CTNNBL1: variants seen among roughly 807,000 people sequenced by gnomAD.
The protein encoded by CTNNBL1 is beta-catenin-like protein 1.
In CTNNBL1, 31 loss-of-function variants were observed where a neutral mutation model predicts 72.7. The observed-to-expected ratio is 0.43, with a 90% CI of 0.32 to 0.58. The LOEUF (loss-of-function observed/expected upper bound fraction) is 0.58. Ranked by LOEUF, CTNNBL1 falls within the 20% of genes least tolerant of loss-of-function variation. The probability of loss-of-function intolerance (pLI) is 0.08; values close to 1 mark genes in which losing one functional copy is unlikely to be tolerated. For synonymous variants in CTNNBL1, 240 were observed against 267.3 expected, an observed-to-expected ratio of 0.90 and a Z score of 1.00; for missense variants, 534 against 725.1, an observed-to-expected ratio of 0.74 and a Z score of 3.03.
At chr20:37,833,176 C>T (rs1023379828) in intron 11 of CTNNBL1, among the ~76,000 whole-genome samples, 1 of 152,166 alleles carries the variant, frequency 6.6e-6, no homozygotes. Context: ...CTCAGAACCC[C>T]AGAATCAGAT....
intron 7 of CTNNBL1, among the ~76,000 whole-genome samples, chr20:37,768,534 G>A (rs562339417): frequency 1.3e-5 from 2 of 152,312 alleles, no homozygotes; most frequent in South Asian, 4.2e-4. Flanking sequence ...TGGTAAGTTT[G>A]TAGTGTTATA....
At chr20:37,856,905 G>C (rs1228899059) in intron 13 of CTNNBL1, among the ~76,000 whole-genome samples, 2 of 152,102 alleles carry the variant, frequency 1.3e-5, no homozygotes, top group African/African-American at 4.8e-5. Context: ...CAGTGCTTAG[G>C]GTAGTGTTCT....
At chr20:37,841,017 C>G (rs897873442) in intron 12 of CTNNBL1, among the ~76,000 whole-genome samples, 3 of 152,158 alleles carry the variant, frequency 2.0e-5, no homozygotes, top group Non-Finnish European at 4.4e-5. Flanking sequence ...GTATGCCAGA[C>G]GATAGGATTT....
At chr20:37,798,376 A>G (rs866339281) in intron 10 of CTNNBL1, among the ~76,000 whole-genome samples, 2 of 151,802 alleles carry the variant, frequency 1.3e-5, no homozygotes, top group Admixed American at 6.6e-5. Flanking sequence ...ATTTCCCACA[A>G]CCCCCCAGTT....
chr20:37,771,939 A>G (rs1374085227), intron 7 of CTNNBL1, among the ~76,000 whole-genome samples: 2 of 151,948 alleles, frequency 1.3e-5, no homozygotes, highest in East Asian at 3.9e-4. Flanking sequence ...CCCCCAGCCT[A>G]TACTGCCCAC....
intron 7 of CTNNBL1, 33 bp from the exon 8 acceptor site, chr20:37,777,312 A>T: frequency 6.4e-7 from 1 of 1,572,176 alleles, no homozygotes; most frequent in Non-Finnish European, 8.8e-7. Context: ...AAGACCCCTT[A>T]ACATTTTTCT....
intron 10 of CTNNBL1, among the ~76,000 whole-genome samples, chr20:37,800,880 C>G (rs758971821): frequency 6.6e-6 from 1 of 152,218 alleles, no homozygotes; most frequent in Non-Finnish European, 1.5e-5. Context: ...GACCTCTGTG[C>G]TTGCTGTTCC....
At chr20:37,703,809 A>C (rs1284688761) in intron 1 of CTNNBL1, among the ~76,000 whole-genome samples, 2 of 149,118 alleles carry the variant, frequency 1.3e-5, no homozygotes, top group Non-Finnish European at 3.0e-5. Flanking sequence ...TTTGAGACAG[A>C]GTTTTGCTCT....
At chr20:37,833,761 C>G (rs182824604) in intron 11 of CTNNBL1, among the ~76,000 whole-genome samples, 159 of 152,264 alleles carry the variant, frequency 1.0e-3, no homozygotes, top group African/African-American at 3.4e-3. Context: ...AGCAGATAAA[C>G]CTGTTATCTT....
At chr20:37,831,514 C>T (rs1190640502) in intron 11 of CTNNBL1, among the ~76,000 whole-genome samples, 2 of 151,986 alleles carry the variant, frequency 1.3e-5, no homozygotes, top group East Asian at 1.9e-4. Flanking sequence ...TACAGGTGCC[C>T]GCCACCACGC....
At chr20:37,858,970 C>A (rs2072466455) in intron 13 of CTNNBL1, among the ~76,000 whole-genome samples, 1 of 152,018 alleles carries the variant, frequency 6.6e-6, no homozygotes, top group Non-Finnish European at 1.5e-5. Flanking sequence ...GACCTTTCTC[C>A]CCTGTGTTTA....
intron 11 of CTNNBL1, among the ~76,000 whole-genome samples, chr20:37,830,295 T>C (rs2072196634): frequency 6.6e-6 from 1 of 152,226 alleles, no homozygotes; most frequent in African/African-American, 2.4e-5. Context: ...TTTTCTGTCA[T>C]GAATCTTAAC....
At chr20:37,740,765 A>G (rs757130850) in intron 3 of CTNNBL1, among the ~76,000 whole-genome samples, 3 of 152,242 alleles carry the variant, frequency 2.0e-5, no homozygotes, top group African/African-American at 4.8e-5. Flanking sequence ...AGAAAACTCC[A>G]TTGTACACTC....
intron 11 of CTNNBL1, among the ~76,000 whole-genome samples, chr20:37,812,646 A>G (rs1305429219): frequency 6.6e-6 from 1 of 152,178 alleles, no homozygotes; most frequent in Non-Finnish European, 1.5e-5. Flanking sequence ...ATTCATTCTT[A>G]TATTAAACAA....
At chr20:37,815,211 A>G (rs2072045610) in intron 11 of CTNNBL1, among the ~76,000 whole-genome samples, 1 of 151,886 alleles carries the variant, frequency 6.6e-6, no homozygotes. Context: ...GAGCTAGACT[A>G]TATTTTTAGA....
At chr20:37,859,455 G>A (rs954174077) in intron 13 of CTNNBL1, among the ~76,000 whole-genome samples, 1 of 152,058 alleles carries the variant, frequency 6.6e-6, no homozygotes, top group Non-Finnish European at 1.5e-5. Context: ...TCTACTGCAT[G>A]CCTGTCACTC....
chr20:37,701,151 A>G (rs970453585), intron 1 of CTNNBL1, among the ~76,000 whole-genome samples: 4 of 152,200 alleles, frequency 2.6e-5, no homozygotes, highest in African/African-American at 9.6e-5. Flanking sequence ...TATGTTTTTA[A>G]TTTAACATTG....
At chr20:37,762,263 G>A (rs544651781) in intron 5 of CTNNBL1, among the ~76,000 whole-genome samples, 3 of 152,260 alleles carry the variant, frequency 2.0e-5, no homozygotes, top group Non-Finnish European at 4.4e-5. Flanking sequence ...TTATTACTGT[G>A]TTTTAAATAT....
chr20:37,761,100 T>C (rs1015706447), intron 5 of CTNNBL1, among the ~76,000 whole-genome samples: 1 of 151,890 alleles, frequency 6.6e-6, no homozygotes, highest in East Asian at 1.9e-4. Flanking sequence ...TCGCTTCTGA[T>C]GGAATAATCA....
Sources: allele counts gnomAD v4.1 joint callset (sites outside exome capture counted in the v4.1 genomes callset), GRCh38; gene constraint gnomAD v4.1.1; transcripts MANE v1.5; gene names NCBI Gene and HGNC (gene_info 2026-07-23, HGNC 2026-07-21).